GBE1: variants seen among roughly 807,000 people sequenced by gnomAD.
GBE1 encodes 1,4-alpha-glucan-branching enzyme.
GBE1 carries 70 observed loss-of-function variants against 88.8 expected under a neutral mutation model. The observed-to-expected ratio is 0.79, with a 90% CI of 0.65 to 0.96. The LOEUF (loss-of-function observed/expected upper bound fraction) is 0.96. GBE1 is among the 40% of genes least tolerant of loss of function. GBE1 has a pLI of 0.00. For missense variants in GBE1, 872 were observed against 871.0 expected, an observed-to-expected ratio of 1.00 and a Z score of -0.01; for synonymous variants, 284 against 300.1, an observed-to-expected ratio of 0.95 and a Z score of 0.56.
chr3:81,589,131 T>C (rs1219228335), intron 9 of GBE1, among the ~76,000 whole-genome samples: 1 of 152,048 alleles, frequency 6.6e-6, no homozygotes, highest in East Asian at 1.9e-4. Context: ...AATGATTCTG[T>C]GTTTGGGATG....
chr3:81,538,914 A>G (rs1703111051), intron 12 of GBE1, among the ~76,000 whole-genome samples: 1 of 152,004 alleles, frequency 6.6e-6, no homozygotes, highest in African/African-American at 2.4e-5. Flanking sequence ...TGATCCCAGT[A>G]TTAATAAACA....
intron 1 of GBE1, among the ~76,000 whole-genome samples, chr3:81,737,848 C>T (rs1706290738): frequency 6.6e-6 from 1 of 152,088 alleles, no homozygotes; most frequent in Non-Finnish European, 1.5e-5. Context: ...GTGCGCTGCA[C>T]CCACTAACTC....
chr3:81,529,015 G>GT (rs1440218625), intron 14 of GBE1, among the ~76,000 whole-genome samples: 1 of 151,774 alleles, frequency 6.6e-6, no homozygotes, highest in African/African-American at 2.4e-5. Context: ...TTTGTTTTTT[G>GT]TTTTCTGGTT....
At chr3:81,568,269 T>TC (rs1398195906) in intron 12 of GBE1, among the ~76,000 whole-genome samples, 1 of 152,036 alleles carries the variant, frequency 6.6e-6, no homozygotes, top group African/African-American at 2.4e-5. Flanking sequence ...TGCCTCAGCC[T>TC]CCCAAGTAGC....
chr3:81,596,795 C>T (rs1703962733), intron 7 of GBE1, among the ~76,000 whole-genome samples: 1 of 151,902 alleles, frequency 6.6e-6, no homozygotes, highest in African/African-American at 2.4e-5. Context: ...ACCCTACCCT[C>T]CAGCAGTCAC....
At chr3:81,493,763 C>T (rs1342893377) in intron 15 of GBE1, among the ~76,000 whole-genome samples, 9 of 151,572 alleles carry the variant, frequency 5.9e-5, no homozygotes, top group African/African-American at 1.9e-4. Context: ...CTCGAACTCC[C>T]GACCTCAGCT....
chr3:81,577,779 G>A (rs1703668249), intron 12 of GBE1, 146 bp downstream of exon 12: 1 of 592,096 alleles, frequency 1.7e-6, no homozygotes, highest in Non-Finnish European at 2.8e-6. Context: ...TTTTATTCTT[G>A]CAATTTACAC....
Position 81,755,167 on chromosome 3 carries a change from A to G in GBE1, c.143+6208T>C, listed in dbSNP as rs1015103535. On this transcript the variant is annotated intron_variant, in intron 1 of 15. Transcript: ENST00000429644. The stretch of plus-strand genomic sequence containing the variant: ...TAAAATGGGCGAAAGATCTGAACAG[A>G]CATTTCTCAAAAGAAAACATATAAA... 7.9e-5 allele frequency among the ~76,000 whole-genome samples: 12 copies of G among 152,298 alleles called. 1 individual carries two copies. The highest frequency in any genetic ancestry group is 2.9e-4 in the African/African-American group (12 of 41,568).
At chr3:81,568,547 C>A (rs1703528335) in intron 12 of GBE1, among the ~76,000 whole-genome samples, 1 of 152,110 alleles carries the variant, frequency 6.6e-6, no homozygotes, top group Admixed American at 6.5e-5. Context: ...AGGAAAGAGG[C>A]TATATTTATC....
intron 1 of GBE1, among the ~76,000 whole-genome samples, chr3:81,747,609 C>G (rs1368873241): frequency 3.3e-5 from 5 of 152,190 alleles, no homozygotes; most frequent in African/African-American, 9.7e-5. Flanking sequence ...TGCACGTATA[C>G]GCCCAGATGG....
chr3:81,629,018 G>GTTTTTTTTTTTTTTTTTT (rs34707682), intron 7 of GBE1, among the ~76,000 whole-genome samples: 3 of 98,002 alleles, frequency 3.1e-5, no homozygotes, highest in African/African-American at 4.4e-5. Context: ...TTATGTTTAA[G>GTTTTTTTTTTTTTTTTTT]TTTTTTTTTT....
intron 2 of GBE1, among the ~76,000 whole-genome samples, chr3:81,699,383 A>G (rs1559691827): frequency 6.6e-6 from 1 of 152,218 alleles, no homozygotes; most frequent in Non-Finnish European, 1.5e-5. Flanking sequence ...GAAAGTTTAC[A>G]CTGTATACCA....
At position 81,761,426 on chromosome 3, in the gene GBE1, A is replaced by C. The variant is rs925976593; in HGVS notation, c.92T>G (p.Leu31Arg). The C allele has an allele frequency of 1.2e-6, 2 of 1,613,606 alleles. No individual in the cohort carries two copies. Among genetic ancestry groups the C allele is most frequent in the South Asian group, 2.2e-5 (2 of 91,084 alleles). ...ALADVPELAR[L>R]LEIDPYLKPY... ...CTTCAAGTACGGGTCGATCTCCAGG[A>C]GTCTGGCCAGTTCGGGCACGTCAGC... Residue 31 changes from leucine to arginine, a missense_variant, in exon 1 of 16, where the codon CTC becomes CGC. Physicochemically the swap from Leu to Arg is moderately radical, Grantham distance 102. Transcript: ENST00000429644.
chr3:81,661,091 T>G (rs561060202), intron 3 of GBE1, among the ~76,000 whole-genome samples: 3 of 151,982 alleles, frequency 2.0e-5, no homozygotes, highest in Non-Finnish European at 4.4e-5. Flanking sequence ...ACTACATAAT[T>G]TAGAAGAAAA....
At chr3:81,543,306 T>C (rs745854699) in intron 12 of GBE1, among the ~76,000 whole-genome samples, 21 of 152,076 alleles carry the variant, frequency 1.4e-4, no homozygotes, top group Non-Finnish European at 2.6e-4. Flanking sequence ...GTATCAGTGA[T>C]TGTAGACAAA....
intron 1 of GBE1, among the ~76,000 whole-genome samples, chr3:81,708,473 C>T (rs184634198): frequency 6.3e-4 from 96 of 152,144 alleles, no homozygotes; most frequent in African/African-American, 2.2e-3. Context: ...ACCTAAACTT[C>T]AAAATTCAAT....
At chr3:81,752,268 G>C (rs1294421535) in intron 1 of GBE1, among the ~76,000 whole-genome samples, 1 of 152,144 alleles carries the variant, frequency 6.6e-6, no homozygotes, top group East Asian at 1.9e-4. Context: ...CATATCATAT[G>C]TTCAGACTCC....
At chr3:81,653,484 T>C (rs1452131890) in intron 3 of GBE1, among the ~76,000 whole-genome samples, 1 of 150,718 alleles carries the variant, frequency 6.6e-6, no homozygotes, top group Non-Finnish European at 1.5e-5. Context: ...AGACCCTGTC[T>C]ACAAAAAAAA....
chr3:81,680,859 G>T (rs550352015), intron 2 of GBE1, among the ~76,000 whole-genome samples: 4 of 152,202 alleles, frequency 2.6e-5, no homozygotes, highest in Non-Finnish European at 5.9e-5. Flanking sequence ...AGTTTGCAAC[G>T]CCAGAGAGGG....
Sources: allele counts gnomAD v4.1 joint callset (sites outside exome capture counted in the v4.1 genomes callset), GRCh38; gene constraint gnomAD v4.1.1; transcripts MANE v1.5; gene names NCBI Gene and HGNC (gene_info 2026-07-23, HGNC 2026-07-21).